The following AKAP19 variants were observed in gnomAD, a reference collection of about 807,000 sequenced individuals.
AKAP19 encodes the protein A-kinase anchoring protein 19.
the AKAP19 span, among the ~76,000 whole-genome samples, chr2:190,007,710 T>C: frequency 6.6e-6 from 1 of 152,132 alleles, no homozygotes; most frequent in African/African-American, 2.4e-5. Flanking sequence ...CCTGTAATCC[T>C]AGCACTTTGG....
At chr2:189,972,180 AGTTTC>A in the AKAP19 span, among the ~76,000 whole-genome samples, 7 of 152,212 alleles carry the variant, frequency 4.6e-5, no homozygotes, top group African/African-American at 1.7e-4. Context: ...GAAGGGATCC[AGTTTC>A]AGCTTTCTAC....
the AKAP19 span, among the ~76,000 whole-genome samples, chr2:189,951,258 A>T: frequency 1.5e-5 from 2 of 129,990 alleles, no homozygotes; most frequent in Admixed American, 1.9e-4. Context: ...CTGGAGTGCA[A>T]TGATGCGATC....
At chr2:190,186,250 C>T in the AKAP19 span, among the ~76,000 whole-genome samples, 1 of 152,220 alleles carries the variant, frequency 6.6e-6, no homozygotes, top group African/African-American at 2.4e-5. This position sits in a 1 kb window ranked among gnomAD's most constrained non-coding sequence, Gnocchi z 5.5. Context: ...CCATGCCCAA[C>T]CAAAATCACA....
At chr2:190,157,264 G>A in the AKAP19 span, among the ~76,000 whole-genome samples, 1 of 151,882 alleles carries the variant, frequency 6.6e-6, no homozygotes, top group Admixed American at 6.6e-5. Flanking sequence ...TAGATTTGGA[G>A]ACATTTTGAA....
At chr2:189,987,573 G>C in the AKAP19 span, among the ~76,000 whole-genome samples, 1 of 152,166 alleles carries the variant, frequency 6.6e-6, no homozygotes, top group Non-Finnish European at 1.5e-5. Flanking sequence ...TTCCCACTCT[G>C]TCCTACCTAA....
the AKAP19 span, among the ~76,000 whole-genome samples, chr2:190,193,178 A>AT: frequency 6.6e-6 from 1 of 151,942 alleles, no homozygotes; most frequent in Non-Finnish European, 1.5e-5. Context: ...AAAAAATGGT[A>AT]TTTTATCAAA....
the AKAP19 span, among the ~76,000 whole-genome samples, chr2:190,164,239 G>C: frequency 0.19 from 28,674 of 152,230 alleles, 2,867 homozygotes; most frequent in African/African-American, 0.24. Flanking sequence ...AAGTATGCCT[G>C]TTAAAGGCAA....
chr2:190,193,151 G>A, the AKAP19 span, among the ~76,000 whole-genome samples: 1 of 151,894 alleles, frequency 6.6e-6, no homozygotes, highest in Non-Finnish European at 1.5e-5. Context: ...TTAATACTTT[G>A]CTGGGATTTT....
At chr2:189,936,333 CTG>C in the AKAP19 span, among the ~76,000 whole-genome samples, 4 of 151,776 alleles carry the variant, frequency 2.6e-5, no homozygotes, top group Admixed American at 2.0e-4. Flanking sequence ...ATTGTTATAA[CTG>C]TAAAATTTTA....
the AKAP19 span, chr2:189,923,194 T>G: frequency 9.7e-6 from 7 of 719,600 alleles, no homozygotes; most frequent in Admixed American, 1.4e-4. Context: ...AGACGAAGAC[T>G]GAGCGGTTGC....
chr2:190,069,982 G>A, the AKAP19 span, among the ~76,000 whole-genome samples: 2 of 152,126 alleles, frequency 1.3e-5, no homozygotes, highest in Non-Finnish European at 2.9e-5. Context: ...ATTTGCAAAG[G>A]CAATTTACAG....
the AKAP19 span, among the ~76,000 whole-genome samples, chr2:189,937,913 T>C: frequency 6.6e-6 from 1 of 152,226 alleles, no homozygotes; most frequent in Non-Finnish European, 1.5e-5. Flanking sequence ...GCTCTCTGTA[T>C]ACCCAAAAGA....
the AKAP19 span, among the ~76,000 whole-genome samples, chr2:189,975,003 GT>G: frequency 6.6e-6 from 1 of 152,186 alleles, no homozygotes; most frequent in Admixed American, 6.5e-5. Context: ...ATTGTTGTGT[GT>G]GAATTTGATC....
At chr2:189,948,220 C>T in the AKAP19 span, among the ~76,000 whole-genome samples, 1 of 152,058 alleles carries the variant, frequency 6.6e-6, no homozygotes, top group East Asian at 1.9e-4. Context: ...GAAATTAATT[C>T]ATTTTAACTT....
the AKAP19 span, among the ~76,000 whole-genome samples, chr2:190,115,486 A>G: frequency 1.4e-5 from 2 of 139,960 alleles, no homozygotes; most frequent in Admixed American, 1.4e-4. Flanking sequence ...CGCCCGGCTA[A>G]TTTTTTGTAT....
At chr2:189,982,990 G>T in the AKAP19 span, among the ~76,000 whole-genome samples, 1 of 152,102 alleles carries the variant, frequency 6.6e-6, no homozygotes, top group Non-Finnish European at 1.5e-5. Context: ...CCAGTAGATG[G>T]CACTGAAGAG....
At chr2:190,199,138 G>A in the AKAP19 span, among the ~76,000 whole-genome samples, 2 of 152,202 alleles carry the variant, frequency 1.3e-5, no homozygotes, top group African/African-American at 4.8e-5. Flanking sequence ...AGATCTGTAG[G>A]TTCATGAGGT....
At chr2:190,067,705 C>A in the AKAP19 span, among the ~76,000 whole-genome samples, 1 of 152,126 alleles carries the variant, frequency 6.6e-6, no homozygotes, top group South Asian at 2.1e-4. Flanking sequence ...TGGCAATCCT[C>A]ATAATAATGT....
At chr2:189,978,321 C>G in the AKAP19 span, among the ~76,000 whole-genome samples, 1 of 151,728 alleles carries the variant, frequency 6.6e-6, no homozygotes, top group South Asian at 2.1e-4. Context: ...TTAGCTCCCA[C>G]TTATAAGTGA....
Sources: gnomAD v4.1 joint callset for allele counts (sites outside exome capture counted in the v4.1 genomes callset) on GRCh38, gnomAD v4.1.1 for gene constraint, Gnocchi (gnomAD v3.1) non-coding constraint, MANE v1.5 for transcripts, NCBI Gene and HGNC (gene_info 2026-07-23, HGNC 2026-07-21) for gene names.